PITPNM2: variants seen among roughly 807,000 people sequenced by gnomAD.
PITPNM2 encodes membrane-associated phosphatidylinositol transfer protein 2.
Under a neutral mutation model 132.2 loss-of-function variants are expected in PITPNM2, and 35 were observed. The observed-to-expected ratio is 0.26, with a 90% CI of 0.20 to 0.35. The LOEUF (loss-of-function observed/expected upper bound fraction) is 0.35, where lower values mean the gene tolerates loss of function less well. Ranked by LOEUF, PITPNM2 falls within the 10% of genes least tolerant of loss-of-function variation. The probability of loss-of-function intolerance (pLI) is 1.00; values close to 1 mark genes in which losing one functional copy is unlikely to be tolerated. For missense variants in PITPNM2, 1,332 were observed against 1,912.0 expected (o/e 0.70, Z 5.66); for synonymous variants, 738 against 799.2 (o/e 0.92, Z 1.29).
intron 1 of PITPNM2, among the ~76,000 whole-genome samples, chr12:123,124,645 T>A (rs1460165796): frequency 2.6e-5 from 4 of 152,156 alleles, no homozygotes; most frequent in Non-Finnish European, 5.9e-5. Flanking sequence ...TATGTATACA[T>A]GTGCCATGTT....
chr12:123,106,793 C>T lies in PITPNM2; in HGVS notation c.-96+3592G>A, dbSNP rs1212979002. ...CTCCAGGGCATGAGGGCACTCAGCC[C>T]TCTACTTCCTCTCCATAACCTCCCC... is the stretch of plus-strand genomic sequence containing the variant. On this transcript the variant is annotated intron_variant, in intron 2 of 25. Coordinates refer to ENST00000320201, the MANE Select transcript of PITPNM2 (RefSeq NM_020845.3). This position sits in a 1 kb window ranked among gnomAD's most constrained non-coding sequence, Gnocchi z 4.4. Among the ~76,000 whole-genome samples, 1 of 152,198 alleles carries T rather than the reference C, an allele frequency of 6.6e-6. No homozygotes were observed. The highest frequency in any genetic ancestry group is 1.5e-5 in the Non-Finnish European group (1 of 68,028).
chr12:123,077,030 C>G lies in PITPNM2; in HGVS notation c.-96+33355G>C, dbSNP rs1193254262. ...GAGGGGTTAGCCTCACAGATTCCCT[C>G]TGGGAAAGCCACTTAAGAGTCATTC... On this transcript the variant is annotated intron_variant, in intron 2 of 25. Transcript: ENST00000320201. This position sits in a 1 kb window ranked among gnomAD's most constrained non-coding sequence, Gnocchi z 4.8. Among the ~76,000 whole-genome samples, 1 of 152,170 alleles carries G rather than the reference C, an allele frequency of 6.6e-6. No homozygotes were observed. Among genetic ancestry groups the G allele is most frequent in the East Asian group, 1.9e-4 (1 of 5,196 alleles).
chr12:123,035,387 C>T (rs1360950415), intron 2 of PITPNM2, among the ~76,000 whole-genome samples: 4 of 151,988 alleles, frequency 2.6e-5, no homozygotes, highest in African/African-American at 9.7e-5. Flanking sequence ...TTAACTGGGC[C>T]GGGCACAGTG....
chr12:123,070,884 G>A (rs1369501453), intron 2 of PITPNM2, among the ~76,000 whole-genome samples: 1 of 152,206 alleles, frequency 6.6e-6, no homozygotes, highest in Non-Finnish European at 1.5e-5. Context: ...GACTCATGTT[G>A]GGGCCACATG....
intron 1 of PITPNM2, among the ~76,000 whole-genome samples, chr12:123,134,621 T>G (rs1254235974): frequency 6.6e-6 from 1 of 151,724 alleles, no homozygotes; most frequent in African/African-American, 2.4e-5. Context: ...CCAGGACAGG[T>G]TTTCCCACTT....
At position 123,018,004 on chromosome 12, in the gene PITPNM2, C is replaced by CT. The variant is rs775585343; in HGVS notation, c.79-3963dup. 5.4e-4 allele frequency among the ~76,000 whole-genome samples: 72 copies of CT among 133,922 alleles called. No individual in the cohort carries two copies. In the East Asian group the frequency reaches 0.014, roughly 26 times the overall value. 87.9% of individuals were successfully genotyped at this position (133,922 alleles called of 152,430 possible). ...TCACTTTTCCTTCCTTCCTTCCTTC[C>CT]TTCCTTCCTTCCTTCCTTCCTTCCT... On this transcript the variant is annotated intron_variant, in intron 3 of 25. Transcript: ENST00000320201.
intron 1 of PITPNM2, among the ~76,000 whole-genome samples, chr12:123,126,335 C>G (rs966411778): frequency 6.6e-6 from 1 of 152,162 alleles, no homozygotes; most frequent in Non-Finnish European, 1.5e-5. Context: ...ATTAACCTCT[C>G]ACTCTTGCCC....
intron 2 of PITPNM2, among the ~76,000 whole-genome samples, chr12:123,071,847 G>A (rs897365026): frequency 1.3e-5 from 2 of 151,900 alleles, no homozygotes; most frequent in African/African-American, 4.8e-5. Flanking sequence ...CTCAAAACCC[G>A]AGCCTATATG....
intron 18 of PITPNM2, 65 bp from the exon 19 acceptor site, chr12:122,988,937 C>T: frequency 1.4e-6 from 2 of 1,462,862 alleles, no homozygotes; most frequent in Non-Finnish European, 1.8e-6. Flanking sequence ...CGAAGGGTCA[C>T]CCGGCCCCTC....
intron 2 of PITPNM2, among the ~76,000 whole-genome samples, chr12:123,068,205 C>T (rs994875959): frequency 4.6e-5 from 7 of 152,208 alleles, no homozygotes; most frequent in Non-Finnish European, 8.8e-5. Flanking sequence ...CGGTGGCTCA[C>T]GCCTGTAATC....
chr12:123,128,528 C>T (rs1199594206), intron 1 of PITPNM2, among the ~76,000 whole-genome samples: 1 of 147,500 alleles, frequency 6.8e-6, no homozygotes, highest in Non-Finnish European at 1.5e-5. Context: ...CTGAGGGGGG[C>T]AAATCACAAG....
chr12:123,018,782 C>CTTT (rs57520928), intron 3 of PITPNM2, among the ~76,000 whole-genome samples: 47 of 121,452 alleles, frequency 3.9e-4, no homozygotes, highest in African/African-American at 9.4e-4. Flanking sequence ...CTTTCCTTTC[C>CTTT]TTTTTTTTTT....
At chr12:123,091,475 G>A (rs1483070888) in intron 2 of PITPNM2, 2 of 152,182 alleles carry the variant, frequency 1.3e-5, no homozygotes, top group African/African-American at 4.8e-5. Context: ...CTCCACCTAG[G>A]GCTGGATGGT....
chr12:123,147,000 C>T (rs535345308), intron 1 of PITPNM2, among the ~76,000 whole-genome samples: 1 of 152,336 alleles, frequency 6.6e-6, no homozygotes, highest in South Asian at 2.1e-4. Flanking sequence ...CCAGGTTCCC[C>T]ACTTTAATAT....
At chr12:123,141,565 C>G (rs1195214759) in intron 1 of PITPNM2, among the ~76,000 whole-genome samples, 1 of 152,102 alleles carries the variant, frequency 6.6e-6, no homozygotes, top group East Asian at 1.9e-4. Flanking sequence ...GCAGCCGTCT[C>G]CTGGAGAGGG....
intron 1 of PITPNM2, among the ~76,000 whole-genome samples, chr12:123,122,253 G>A (rs1485990935): frequency 1.3e-5 from 2 of 152,026 alleles, no homozygotes; most frequent in South Asian, 2.1e-4. Context: ...GTCTGAGGTC[G>A]GGAGTTCGAG....
chr12:122,989,447 A>G (rs1344047211), intron 18 of PITPNM2, among the ~76,000 whole-genome samples: 1 of 152,122 alleles, frequency 6.6e-6, no homozygotes, highest in Non-Finnish European at 1.5e-5. Flanking sequence ...CTTCCTGAAC[A>G]AGACAAGCTT....
At chr12:122,987,236 C>T (rs1478782640) in intron 23 of PITPNM2, 45 bp downstream of exon 23, 2 of 1,601,492 alleles carry the variant, frequency 1.2e-6, no homozygotes, top group Non-Finnish European at 1.7e-6. Context: ...CCCCTGAGCC[C>T]ACCCACCTTG....
intron 1 of PITPNM2, among the ~76,000 whole-genome samples, chr12:123,132,104 A>C (rs754197413): frequency 6.6e-6 from 1 of 152,242 alleles, no homozygotes; most frequent in Non-Finnish European, 1.5e-5. Context: ...CTCGCTCTGC[A>C]GCTGTGGATG....
Sources: gnomAD v4.1 joint callset for allele counts (sites outside exome capture counted in the v4.1 genomes callset) on GRCh38, gnomAD v4.1.1 for gene constraint, Gnocchi (gnomAD v3.1) non-coding constraint, MANE v1.5 for transcripts, NCBI Gene and HGNC (gene_info 2026-07-23, HGNC 2026-07-21) for gene names.